MAP3K7: variants seen among roughly 807,000 people sequenced by gnomAD.
MAP3K7 encodes the protein mitogen-activated protein kinase kinase kinase 7.
MAP3K7 carries 21 observed loss-of-function variants against 84.8 expected under a neutral mutation model. That is an observed-to-expected ratio of 0.25 (90% confidence interval 0.18 to 0.36). The LOEUF is 0.36. Ranked by LOEUF, MAP3K7 falls within the 10% of genes least tolerant of loss-of-function variation. The probability of loss-of-function intolerance (pLI) is 1.00; values close to 1 mark genes in which losing one functional copy is unlikely to be tolerated. For synonymous variants in MAP3K7, 241 were observed against 247.7 expected (o/e 0.97, Z 0.25); for missense variants, 503 against 747.7 (o/e 0.67, Z 3.82).
At chr6:90,575,321 G>A (rs1033667035) in intron 1 of MAP3K7, among the ~76,000 whole-genome samples, 16 of 152,266 alleles carry the variant, frequency 1.1e-4, no homozygotes, top group South Asian at 2.1e-4. Context: ...AATGATGAAG[G>A]CTAATAAACT....
intron 7 of MAP3K7, 126 bp downstream of exon 7, chr6:90,553,332 C>T: frequency 3.1e-6 from 3 of 977,556 alleles, no homozygotes; most frequent in Non-Finnish European, 4.5e-6. Flanking sequence ...GCAAAGCAGT[C>T]TCTTAACAAA....
intron 13 of MAP3K7, among the ~76,000 whole-genome samples, chr6:90,532,761 A>G (rs2127962570): frequency 6.6e-6 from 1 of 152,338 alleles, no homozygotes; most frequent in Middle Eastern, 3.4e-3. Flanking sequence ...TCATTGGTAG[A>G]AATTTATTAT....
chr6:90,571,661 G>T, intron 2 of MAP3K7, 36 bp downstream of exon 2: 3 of 1,269,388 alleles, frequency 2.4e-6, no homozygotes, highest in Non-Finnish European at 2.2e-6. Flanking sequence ...TATCTTAAGT[G>T]CAGAACTACA....
rs1177439099 is a variant in MAP3K7 at position 90,514,678 on chromosome 6, A to G, written c.*1823T>C. The G allele has an allele frequency of 3.3e-5, 5 of 152,022 alleles. No individual in the cohort carries two copies. Among genetic ancestry groups the G allele is most frequent in the African/African-American group, 1.2e-4 (5 of 41,426 alleles). 9.4% of individuals were successfully genotyped at this position (152,022 alleles called of 1,614,324 possible). A position where few individuals can be genotyped will look rare whatever the true frequency, so the allele number is the denominator to read the frequency against. ...CGCTTGGATATCTCGTGCTGAGATA[A>G]AAGGCCTCTTTAAAGTGACTAGGTC... On this transcript the variant is annotated 3_prime_UTR_variant, in exon 17 of 17. Coordinates refer to ENST00000369329, the MANE Select transcript of MAP3K7 (RefSeq NM_145331.3).
rs1777483023 is a variant in MAP3K7 at position 90,586,911 on chromosome 6, G to A, written c.-28C>T. The stretch of plus-strand genomic sequence containing the variant: ...TCCCTCGCGGCGCCCGGTGGGGCCG[G>A]GAACGGTGCCACCCGGACAATCCGG... On this transcript the variant is annotated 5_prime_UTR_variant, in exon 1 of 17. Transcript: ENST00000369329. The A allele has an allele frequency of 1.9e-6, 3 of 1,594,804 alleles. No homozygotes were observed. The highest frequency in any genetic ancestry group is 2.7e-5 in the African/African-American group (2 of 73,754).
intron 3 of MAP3K7, 97 bp downstream of exon 3, chr6:90,568,461 A>G: frequency 1.0e-6 from 1 of 976,842 alleles, no homozygotes; most frequent in South Asian, 1.7e-5. Context: ...GAAAAACTTA[A>G]AAAAAACAAA....
intron 2 of MAP3K7, among the ~76,000 whole-genome samples, chr6:90,569,911 C>A (rs973333923): frequency 2.9e-4 from 44 of 152,164 alleles, no homozygotes; most frequent in African/African-American, 1.0e-3. Flanking sequence ...GCTGCTGGCT[C>A]ATATTCAGTA....
intron 1 of MAP3K7, among the ~76,000 whole-genome samples, chr6:90,585,895 G>C (rs896621196): frequency 6.6e-6 from 1 of 152,190 alleles, no homozygotes; most frequent in Admixed American, 6.5e-5. Flanking sequence ...CCAACTGAAA[G>C]CCGAGCATTT....
intron 13 of MAP3K7, among the ~76,000 whole-genome samples, chr6:90,531,868 A>G (rs892257623): frequency 6.6e-6 from 1 of 152,112 alleles, no homozygotes; most frequent in Non-Finnish European, 1.5e-5. Flanking sequence ...AGGTGGAAGA[A>G]TCACTTGAAC....
In MAP3K7 at chr6:90,552,207, G is replaced by A. The variant is rs187466104; in HGVS notation, c.737-28C>T. The A allele has an allele frequency of 1.0e-5, 16 of 1,575,748 alleles. No individual in the cohort carries two copies. In the Admixed American group the frequency reaches 2.0e-4, roughly 20 times the overall value. ...ACAATTGAAAATGAGAGGAAGGGGG[G>A]AAGAATGTATTTACCCAAAGAATGA... On this transcript the variant is annotated intron_variant, in intron 7 of 16. Coordinates refer to ENST00000369329, the MANE Select transcript of MAP3K7 (RefSeq NM_145331.3).
At chr6:90,545,809 C>T (rs1183626417) in intron 11 of MAP3K7, among the ~76,000 whole-genome samples, 1 of 152,102 alleles carries the variant, frequency 6.6e-6, no homozygotes, top group Non-Finnish European at 1.5e-5. Flanking sequence ...TCTCCTCTTC[C>T]CTTGGAGCTA....
intron 10 of MAP3K7, among the ~76,000 whole-genome samples, chr6:90,547,659 C>T (rs1317087372): frequency 6.6e-6 from 1 of 152,138 alleles, no homozygotes; most frequent in African/African-American, 2.4e-5. Flanking sequence ...TAAACTCACT[C>T]CTTGAAATAT....
At chr6:90,517,318 G>T (rs9359887) in intron 16 of MAP3K7, among the ~76,000 whole-genome samples, 4,092 of 151,744 alleles carry the variant, frequency 0.027, 68 homozygotes, top group Middle Eastern at 0.044. Context: ...AAGTATTCCC[G>T]AAAAAGATGC....
intron 12 of MAP3K7, 171 bp from the exon 13 acceptor site, chr6:90,536,572 T>C: frequency 1.7e-6 from 1 of 580,064 alleles, no homozygotes; most frequent in Non-Finnish European, 3.0e-6. Context: ...AAGAGAAAGA[T>C]GTAAAGAAAG....
intron 1 of MAP3K7, among the ~76,000 whole-genome samples, chr6:90,582,920 T>C (rs568023961): frequency 1.3e-5 from 2 of 149,978 alleles, no homozygotes; most frequent in Admixed American, 6.6e-5. Context: ...TCTCCCTCTG[T>C]TGTCCAGGCT....
At chr6:90,562,647 G>A (rs1170197070) in intron 3 of MAP3K7, among the ~76,000 whole-genome samples, 3 of 152,240 alleles carry the variant, frequency 2.0e-5, no homozygotes, top group African/African-American at 7.2e-5. Flanking sequence ...ACCTCTGGGG[G>A]CAGGGCATAG....
At chr6:90,556,148 C>T (rs535099686) in intron 6 of MAP3K7, among the ~76,000 whole-genome samples, 14 of 152,218 alleles carry the variant, frequency 9.2e-5, no homozygotes, top group Non-Finnish European at 1.6e-4. Context: ...CACTGCTCAG[C>T]GCATGCACAC....
At chr6:90,567,231 C>T (rs370460520) in intron 3 of MAP3K7, among the ~76,000 whole-genome samples, 5 of 152,002 alleles carry the variant, frequency 3.3e-5, no homozygotes, top group Admixed American at 1.3e-4. Context: ...ATTAAACTAA[C>T]GAGCTTCTGC....
At position 90,586,929 on chromosome 6, in the gene MAP3K7, C is replaced by T. The variant is rs768647312; in HGVS notation, c.-46G>A. ...GGGGCCGGGAACGGTGCCACCCGGA[C>T]AATCCGGGTGAGACCCGCGCCCACC... On this transcript the variant is annotated 5_prime_UTR_variant, in exon 1 of 17. Coordinates refer to ENST00000369329, the MANE Select transcript of MAP3K7 (RefSeq NM_145331.3). 12 of 1,562,988 alleles carry T rather than the reference C, an allele frequency of 7.7e-6. No homozygotes were observed. The African/African-American group carries it at 8.3e-5, about 11-fold the overall frequency.
Sources: gnomAD v4.1 joint callset for allele counts (sites outside exome capture counted in the v4.1 genomes callset) on GRCh38, gnomAD v4.1.1 for gene constraint, MANE v1.5 for transcripts, NCBI Gene and HGNC (gene_info 2026-07-23, HGNC 2026-07-21) for gene names.